Variants in SLC15A5 observed in about 807,000 individuals in gnomAD.
SLC15A5 encodes the protein Peptide/histidine transporter ENSP00000340402.
In SLC15A5, 58 loss-of-function variants were observed where a neutral mutation model predicts 56.1. The observed-to-expected ratio is 1.03, with a 90% CI of 0.84 to 1.29. The LOEUF is 1.29. Among genes scored for constraint, SLC15A5 ranks in the 50% most tolerant of loss-of-function variants. The probability of loss-of-function intolerance (pLI) is 0.00; values close to 1 mark genes in which losing one functional copy is unlikely to be tolerated. For missense variants in SLC15A5, 681 were observed against 672.1 expected (o/e 1.01, Z -0.15); for synonymous variants, 264 against 250.5 (o/e 1.05, Z -0.51).
At chr12:16,256,408 T>C (rs922659434) in intron 3 of SLC15A5, among the ~76,000 whole-genome samples, 28 of 152,148 alleles carry the variant, frequency 1.8e-4, no homozygotes, top group Non-Finnish European at 8.8e-5. Context: ...ATGCCACCTA[T>C]GAAGAAATTT....
chr12:16,234,280 G>T (rs549194625), intron 5 of SLC15A5, among the ~76,000 whole-genome samples: 1 of 152,276 alleles, frequency 6.6e-6, no homozygotes, highest in African/African-American at 2.4e-5. Flanking sequence ...CAATACTGTT[G>T]TACTGGGGAT....
chr12:16,211,196 A>G (rs1864076743), intron 7 of SLC15A5, among the ~76,000 whole-genome samples: 1 of 152,236 alleles, frequency 6.6e-6, no homozygotes, highest in African/African-American at 2.4e-5. Flanking sequence ...GATAATAGGT[A>G]TGAGCCCATG....
rs867777232 is a variant in SLC15A5 at position 16,271,843 on chromosome 12, G to A, written c.584+718C>T. ...TGTTTCCTTAAAAAACACAAAAACC[G>A]ACGAACTCCATAAGAACTCGTTGGG... On this transcript the variant is annotated intron_variant, in intron 2 of 8. Coordinates refer to ENST00000344941, the MANE Select transcript of SLC15A5 (RefSeq NM_001170798.1). This position sits in a 1 kb window ranked among gnomAD's most constrained non-coding sequence, Gnocchi z 8.0. Among the ~76,000 whole-genome samples the A allele has an allele frequency of 2.5e-4, 38 of 152,148 alleles. No homozygotes were observed. Among genetic ancestry groups the A allele is most frequent in the Admixed American group, 4.6e-4 (7 of 15,274 alleles).
At chr12:16,244,822 A>T (rs780560970) in intron 3 of SLC15A5, 22 bp from the exon 4 acceptor site, 2 of 1,524,274 alleles carry the variant, frequency 1.3e-6, no homozygotes, top group Admixed American at 2.0e-5. Context: ...CGGAGATATT[A>T]TGTATTAGTA....
chr12:16,245,928 G>T (rs1296522446), intron 3 of SLC15A5, among the ~76,000 whole-genome samples: 3 of 152,132 alleles, frequency 2.0e-5, no homozygotes, highest in Non-Finnish European at 2.9e-5. Flanking sequence ...CTATAAAGTG[G>T]TTAGATTGAT....
Position 16,216,969 on chromosome 12 carries a change from A to C in SLC15A5, c.1407T>G (p.Asn469Lys). 1 of 1,536,878 alleles carries C rather than the reference A, an allele frequency of 6.5e-7. No homozygotes were observed. The highest frequency in any genetic ancestry group is 1.2e-5 in the South Asian group (1 of 84,036). ...CAAATCCATTGAACAGTGTCAGAAA[A>C]TTCATGGAGGTTCCTCTGACATTGC... ...VPSNVRGTSM[N>K]FLTLFNGFGC... is the part of the protein sequence containing the mutation. The change falls in exon 7 of 9, where the codon AAT becomes AAG. Residue 469 changes from asparagine (N) to lysine (K), a missense_variant. By Grantham distance (94) the Asn-to-Lys change is moderately conservative. Transcript: ENST00000344941.
At chr12:16,274,847 A>G (rs1864799947) in intron 1 of SLC15A5, among the ~76,000 whole-genome samples, 1 of 152,120 alleles carries the variant, frequency 6.6e-6, no homozygotes, top group African/African-American at 2.4e-5. Flanking sequence ...AGAAAATGTC[A>G]TAATAGGCTG....
At position 16,259,857 on chromosome 12, in the gene SLC15A5, G is replaced by A. The variant is rs1403292325; in HGVS notation, c.585-1987C>T. 4.0e-5 allele frequency among the ~76,000 whole-genome samples: 6 copies of A among 151,720 alleles called. No individual in the cohort carries two copies. The East Asian group carries it at 9.8e-4, about 25-fold the overall frequency. On this transcript the variant is annotated intron_variant, in intron 2 of 8. Transcript: ENST00000344941. Reference sequence around the variant, plus strand: ...CTTGCTGCATACTTTCTGGTTGAGAGTGGAGGCTCAACTCCTTGCTGTACC... The same window carrying A: ...CTTGCTGCATACTTTCTGGTTGAGAATGGAGGCTCAACTCCTTGCTGTACC...
intron 3 of SLC15A5, among the ~76,000 whole-genome samples, chr12:16,256,439 C>A (rs1490130092): frequency 6.6e-6 from 1 of 152,152 alleles, no homozygotes; most frequent in Non-Finnish European, 1.5e-5. Context: ...AAATCTGAAT[C>A]TGCGAGTATC....
In SLC15A5 at chr12:16,244,742, C is replaced by CAT; in HGVS notation, c.812_813insAT (p.Gln272CysfsTer10). On this transcript the variant is annotated frameshift_variant, in exon 4 of 9. Coordinates refer to ENST00000344941, the MANE Select transcript of SLC15A5 (RefSeq NM_001170798.1). LOFTEE classifies it high-confidence loss of function. ...CGTCTCTGCCAAGATGGCAGTATTGCGGGTGGCATGTTTTCAGTGCACTAA... is the reference window on the plus strand; with the variant it reads ...CGTCTCTGCCAAGATGGCAGTATTGCATGGGTGGCATGTTTTCAGTGCACTAA... The CAT allele has an allele frequency of 6.5e-7, 1 of 1,537,670 alleles. No individual in the cohort carries two copies. Among genetic ancestry groups the CAT allele is most frequent in the South Asian group, 1.2e-5 (1 of 84,062 alleles).
chr12:16,261,792 T>C (rs1864645727), intron 2 of SLC15A5, among the ~76,000 whole-genome samples: 1 of 152,208 alleles, frequency 6.6e-6, no homozygotes, highest in Non-Finnish European at 1.5e-5. Context: ...ATTTCCCTAA[T>C]GACTAATGAT....
intron 6 of SLC15A5, among the ~76,000 whole-genome samples, chr12:16,220,811 A>T (rs1864179435): frequency 6.6e-6 from 1 of 152,112 alleles, no homozygotes; most frequent in African/African-American, 2.4e-5. Context: ...AATGGCAGAA[A>T]TTTTTGTCTT....
chr12:16,213,193 T>C (rs1864099487), intron 7 of SLC15A5, among the ~76,000 whole-genome samples: 1 of 152,084 alleles, frequency 6.6e-6, no homozygotes, highest in Non-Finnish European at 1.5e-5. Flanking sequence ...AATCAAGGAA[T>C]CATGCAATAT....
At chr12:16,197,100 A>G (rs1319167516) in intron 7 of SLC15A5, among the ~76,000 whole-genome samples, 1 of 151,968 alleles carries the variant, frequency 6.6e-6, no homozygotes, top group Admixed American at 6.6e-5. Context: ...AAAAAAAGAA[A>G]AGAAAACCCC....
At chr12:16,258,279 A>G (rs1247069255) in intron 2 of SLC15A5, among the ~76,000 whole-genome samples, 1 of 152,210 alleles carries the variant, frequency 6.6e-6, no homozygotes, top group African/African-American at 2.4e-5. Flanking sequence ...TTAAAAAGTT[A>G]ATCCTTCCTG....
chr12:16,275,145 G>A (rs924376067), intron 1 of SLC15A5, among the ~76,000 whole-genome samples: 1 of 151,876 alleles, frequency 6.6e-6, no homozygotes, highest in African/African-American at 2.4e-5. Flanking sequence ...GTATTATATG[G>A]GTGTGGTTGA....
chr12:16,224,624 GA>G (rs750932738), intron 5 of SLC15A5, 22 bp from the exon 6 acceptor site: 10 of 1,505,046 alleles, frequency 6.6e-6, no homozygotes, highest in East Asian at 2.5e-5. Context: ...TAATGCAAAA[GA>G]AAAAAAAGTT....
At chr12:16,234,066 G>A (rs77896532) in intron 5 of SLC15A5, among the ~76,000 whole-genome samples, 1 of 152,148 alleles carries the variant, frequency 6.6e-6, no homozygotes, top group East Asian at 1.9e-4. Context: ...AGTTCTAAAA[G>A]CTGGAAAATT....
chr12:16,221,568 C>T lies in SLC15A5; in HGVS notation c.1351+2846G>A, dbSNP rs918440712. On this transcript the variant is annotated intron_variant, in intron 6 of 8. Coordinates refer to ENST00000344941, the MANE Select transcript of SLC15A5 (RefSeq NM_001170798.1). ...GTAACCAAATGTAGGTGGAACAACA[C>T]GTGGAGACCAAATCATGTGGAACAT... 3.9e-5 allele frequency among the ~76,000 whole-genome samples: 6 copies of T among 152,164 alleles called. No individual in the cohort carries two copies. The East Asian group carries it at 1.2e-3, about 29-fold the overall frequency.
Sources: allele counts gnomAD v4.1 joint callset (sites outside exome capture counted in the v4.1 genomes callset), GRCh38; gene constraint gnomAD v4.1.1; non-coding constraint Gnocchi (gnomAD v3.1); transcripts MANE v1.5; gene names NCBI Gene and HGNC (gene_info 2026-07-23, HGNC 2026-07-21).